Variants in PAPSS1 observed in about 807,000 individuals in gnomAD.
PAPSS1 encodes the protein bifunctional 3'-phosphoadenosine 5'-phosphosulfate synthase 1.
Under a neutral mutation model 72.0 loss-of-function variants are expected in PAPSS1, and 50 were observed. That is an observed-to-expected ratio of 0.69 (90% CI 0.55 to 0.88). PAPSS1 has a LOEUF of 0.88. Among genes scored for constraint, PAPSS1 ranks in the 40% least tolerant of loss-of-function variants. PAPSS1 has a pLI of 0.00. For synonymous variants in PAPSS1, 261 were observed against 263.6 expected (o/e 0.99, Z 0.09); for missense variants, 657 against 782.2 (o/e 0.84, Z 1.91).
At chr4:107,704,044 G>C (rs1723274619) in intron 1 of PAPSS1, among the ~76,000 whole-genome samples, 1 of 151,882 alleles carries the variant, frequency 6.6e-6, no homozygotes, top group African/African-American at 2.4e-5. Flanking sequence ...ACAGTTTTCA[G>C]TATACAGGTC....
chr4:107,689,066 A>G (rs1050245602), intron 3 of PAPSS1, among the ~76,000 whole-genome samples: 10 of 151,734 alleles, frequency 6.6e-5, no homozygotes, highest in African/African-American at 2.4e-4. Context: ...CCCTAGTTCA[A>G]CCTCACTTCT....
intron 1 of PAPSS1, among the ~76,000 whole-genome samples, chr4:107,711,131 T>G: frequency 6.6e-6 from 1 of 152,242 alleles, no homozygotes; most frequent in East Asian, 1.9e-4. Flanking sequence ...TATTTTAAAG[T>G]ATGGTTTGTT....
chr4:107,653,873 C>T (rs1437925717), intron 8 of PAPSS1, among the ~76,000 whole-genome samples: 1 of 152,172 alleles, frequency 6.6e-6, no homozygotes, highest in Non-Finnish European at 1.5e-5. Flanking sequence ...AATAATTACA[C>T]CTTTTCAAGT....
intron 10 of PAPSS1, 82 bp downstream of exon 10, chr4:107,644,720 A>C: frequency 7.3e-7 from 1 of 1,374,242 alleles, no homozygotes; most frequent in East Asian, 2.4e-5. Context: ...GAGCACAGAA[A>C]AAGCAATCGG....
At chr4:107,696,159 T>C (rs1278353256) in intron 2 of PAPSS1, among the ~76,000 whole-genome samples, 1 of 152,192 alleles carries the variant, frequency 6.6e-6, no homozygotes, top group Non-Finnish European at 1.5e-5. Context: ...TGGAAGACAG[T>C]GTGGTGCTTC....
In PAPSS1 at chr4:107,653,118, T is replaced by C. The variant is rs369700072; in HGVS notation, c.1237+373A>G. Among the ~76,000 whole-genome samples, 53 of 140,904 alleles carry C rather than the reference T, an allele frequency of 3.8e-4. No individual in the cohort carries two copies. In the South Asian group the frequency reaches 8.7e-3, roughly 23 times the overall value. 92.4% of individuals were successfully genotyped at this position (140,904 alleles called of 152,430 possible). A position where few individuals can be genotyped will look rare whatever the true frequency, so the allele number is the denominator to read the frequency against. ...GAATACATATGAATATATATGAATA[T>C]ATACATGAATATATATGAATATATA... is the stretch of plus-strand genomic sequence containing the variant. On this transcript the variant is annotated intron_variant, in intron 9 of 11. Transcript: ENST00000265174.
At chr4:107,617,930 A>G (rs1481711577) in intron 11 of PAPSS1, among the ~76,000 whole-genome samples, 1 of 152,228 alleles carries the variant, frequency 6.6e-6, no homozygotes, top group Non-Finnish European at 1.5e-5. Context: ...TATTACATAA[A>G]GGACTATGAC....
chr4:107,684,913 T>A (rs997778782), intron 4 of PAPSS1, among the ~76,000 whole-genome samples: 5 of 148,910 alleles, frequency 3.4e-5, no homozygotes, highest in African/African-American at 1.2e-4. Context: ...CTTCAAAAAT[T>A]TTTTTTTTTT....
At chr4:107,630,091 A>G (rs1388145076) in intron 11 of PAPSS1, among the ~76,000 whole-genome samples, 1 of 152,044 alleles carries the variant, frequency 6.6e-6, no homozygotes, top group African/African-American at 2.4e-5. Context: ...AATTCCCAGG[A>G]CCCTTGGTTC....
chr4:107,678,237 T>TA (rs386401096), intron 5 of PAPSS1, among the ~76,000 whole-genome samples: 11 of 42,458 alleles, frequency 2.6e-4, no homozygotes, highest in Non-Finnish European at 3.6e-4. Flanking sequence ...ATGTAAAAAA[T>TA]AAAAAAAATA....
At chr4:107,671,637 T>A (rs1281785879) in intron 5 of PAPSS1, among the ~76,000 whole-genome samples, 1 of 152,156 alleles carries the variant, frequency 6.6e-6, no homozygotes, top group Non-Finnish European at 1.5e-5. Flanking sequence ...CAGTCATCCC[T>A]CAGTATCTGA....
At chr4:107,680,385 A>C (rs570946080) in intron 5 of PAPSS1, among the ~76,000 whole-genome samples, 2 of 144,268 alleles carry the variant, frequency 1.4e-5, no homozygotes, top group African/African-American at 5.1e-5. Flanking sequence ...TCAGAAATGA[A>C]GCAAGTTAAA....
intron 11 of PAPSS1, among the ~76,000 whole-genome samples, chr4:107,620,663 T>C (rs1725931206): frequency 6.6e-6 from 1 of 151,976 alleles, no homozygotes; most frequent in Admixed American, 6.6e-5. Flanking sequence ...CTCTTCCCCC[T>C]CCCCAGGGCA....
chr4:107,660,051 A>C lies in PAPSS1; in HGVS notation c.691T>G (p.Ser231Ala). The C allele has an allele frequency of 6.3e-7, 1 of 1,578,674 alleles. No individual in the cohort carries two copies. ...ACATATAGTTCTTTTACTTCATAAGATGCATCCACAGGTACAATATCCTAT... is the reference window on the plus strand; with the variant it reads ...ACATATAGTTCTTTTACTTCATAAGCTGCATCCACAGGTACAATATCCTAT... Reference protein sequence around the residue: ...QERDIVPVDASYEVKELYVPE... With the variant: ...QERDIVPVDAAYEVKELYVPE... The change falls in exon 6 of 12, where the codon TCT (serine) becomes GCT (alanine). Residue 231 changes from serine (S) to alanine (A), a missense_variant. Physicochemically the swap from Ser to Ala is moderately conservative, Grantham distance 99. Around this residue, in one of 7 missense-constraint regions of PAPSS1, gnomAD observed 190 missense variants for 176.7 expected, o/e 1.07. Coordinates refer to ENST00000265174, the MANE Select transcript of PAPSS1 (RefSeq NM_005443.5).
intron 1 of PAPSS1, among the ~76,000 whole-genome samples, chr4:107,717,827 C>T (rs1285053571): frequency 6.6e-6 from 1 of 152,164 alleles, no homozygotes; most frequent in East Asian, 1.9e-4. Context: ...ACATTCCTCC[C>T]TTTTTCATCC....
chr4:107,662,221 T>C (rs55824964), intron 5 of PAPSS1, among the ~76,000 whole-genome samples: 29,408 of 152,164 alleles, frequency 0.19, 3,139 homozygotes, highest in East Asian at 0.37. Flanking sequence ...TCTGGAAGCC[T>C]CTTGTCCCTC....
At chr4:107,669,316 C>T (rs185198052) in intron 5 of PAPSS1, among the ~76,000 whole-genome samples, 3 of 152,248 alleles carry the variant, frequency 2.0e-5, no homozygotes, top group African/African-American at 7.2e-5. Context: ...TGGGATTCAA[C>T]TTAGTGAGAA....
At chr4:107,694,310 C>T in intron 2 of PAPSS1, 2 of 319,300 alleles carry the variant, frequency 6.3e-6, no homozygotes, top group Middle Eastern at 9.1e-4. Flanking sequence ...TAAAAAATTG[C>T]AATCACAGGA....
intron 10 of PAPSS1, among the ~76,000 whole-genome samples, chr4:107,638,566 G>C (rs545259760): frequency 6.6e-6 from 1 of 152,224 alleles, no homozygotes; most frequent in African/African-American, 2.4e-5. Flanking sequence ...TGGGGGCTCA[G>C]AGTGGAGACA....
Sources: gnomAD v4.1 joint callset for allele counts (sites outside exome capture counted in the v4.1 genomes callset) on GRCh38, gnomAD v4.1.1 for gene constraint, gnomAD v4.1.1 regional missense constraint, MANE v1.5 for transcripts, NCBI Gene and HGNC (gene_info 2026-07-23, HGNC 2026-07-21) for gene names.